Variants in ROBO2 observed in about 807,000 individuals in gnomAD.
ROBO2 encodes roundabout homolog 2.
Under a neutral mutation model 160.8 loss-of-function variants are expected in ROBO2, and 53 were observed. The observed-to-expected ratio is 0.33, with a 90% CI of 0.26 to 0.41. The LOEUF (loss-of-function observed/expected upper bound fraction) is 0.41. ROBO2 is among the 10% of genes least tolerant of loss of function. ROBO2 has a pLI of 1.00. For missense variants in ROBO2, 1,577 were observed against 1,722.4 expected (o/e 0.92, Z 1.49); for synonymous variants, 664 against 611.7 (o/e 1.09, Z -1.26).
intron 2 of ROBO2, among the ~76,000 whole-genome samples, chr3:75,961,534 T>C (rs768622539): frequency 6.6e-6 from 1 of 151,700 alleles, no homozygotes; most frequent in Non-Finnish European, 1.5e-5. Context: ...AATAGCTCAC[T>C]CAATTTTAAT....
chr3:77,238,302 C>T (rs2088403772), intron 2 of ROBO2, among the ~76,000 whole-genome samples: 1 of 152,090 alleles, frequency 6.6e-6, no homozygotes, highest in Non-Finnish European at 1.5e-5. Flanking sequence ...AAGTCATTGA[C>T]AAATCCAAAT....
At chr3:76,472,104 CGT>C (rs770855970) in intron 2 of ROBO2, among the ~76,000 whole-genome samples, 22 of 138,252 alleles carry the variant, frequency 1.6e-4, no homozygotes, top group African/African-American at 5.7e-4. Context: ...TGTGTGTGCG[CGT>C]GTGCGTGCGC....
intron 2 of ROBO2, among the ~76,000 whole-genome samples, chr3:76,725,034 C>A (rs986966552): frequency 6.6e-6 from 1 of 152,150 alleles, no homozygotes; most frequent in Non-Finnish European, 1.5e-5. Flanking sequence ...CATATCCCTG[C>A]TGACAACTTG....
intron 2 of ROBO2, among the ~76,000 whole-genome samples, chr3:76,367,271 C>G (rs966095075): frequency 6.6e-6 from 1 of 152,042 alleles, no homozygotes; most frequent in South Asian, 2.1e-4. Context: ...CATTTGTCCC[C>G]CTCTCTATTG....
chr3:76,434,088 C>T, intron 2 of ROBO2: 1 of 1,287,124 alleles, frequency 7.8e-7, no homozygotes, highest in Non-Finnish European at 1.1e-6. Flanking sequence ...GTATCCCATA[C>T]CTCTGACATG....
At chr3:76,235,440 G>T (rs533134500) in intron 2 of ROBO2, among the ~76,000 whole-genome samples, 3 of 152,146 alleles carry the variant, frequency 2.0e-5, no homozygotes, top group Non-Finnish European at 4.4e-5. Context: ...GAGGGAGTGT[G>T]GTCCTGCTGA....
intron 2 of ROBO2, among the ~76,000 whole-genome samples, chr3:76,893,330 GCACTA>G (rs1559663323): frequency 7.5e-6 from 1 of 132,828 alleles, no homozygotes; most frequent in Non-Finnish European, 1.7e-5. Context: ...ACACACACAC[GCACTA>G]CACTGTAAGA....
chr3:76,978,312 A>T (rs1269109048), intron 2 of ROBO2, among the ~76,000 whole-genome samples: 9 of 152,214 alleles, frequency 5.9e-5, no homozygotes, highest in Non-Finnish European at 1.0e-4. Context: ...CATCGATCTT[A>T]TAGCCTCACA....
At chr3:76,076,751 TC>T (rs2068656799) in intron 2 of ROBO2, among the ~76,000 whole-genome samples, 1 of 152,178 alleles carries the variant, frequency 6.6e-6, no homozygotes, top group African/African-American at 2.4e-5. Flanking sequence ...AGAAGTGCTG[TC>T]TTCCAAAAGA....
At chr3:77,504,120 T>C (rs535177155) in intron 5 of ROBO2, among the ~76,000 whole-genome samples, 70 of 152,150 alleles carry the variant, frequency 4.6e-4, no homozygotes, top group Non-Finnish European at 7.3e-4. Context: ...GCCGAGAAAT[T>C]AGAAGTCCCT....
intron 1 of ROBO2, among the ~76,000 whole-genome samples, chr3:77,069,857 A>G (rs1026063398): frequency 6.6e-6 from 1 of 152,082 alleles, no homozygotes; most frequent in African/African-American, 2.4e-5. Context: ...AAGAGCGCTG[A>G]TATGTGTTGA....
intron 4 of ROBO2, among the ~76,000 whole-genome samples, chr3:77,482,274 G>C (rs2084797597): frequency 6.6e-6 from 1 of 152,032 alleles, no homozygotes; most frequent in Non-Finnish European, 1.5e-5. Context: ...CCCTATTTCT[G>C]GTCATTTCTT....
chr3:76,681,172 T>A (rs2092552686), intron 2 of ROBO2, among the ~76,000 whole-genome samples: 1 of 152,176 alleles, frequency 6.6e-6, no homozygotes, highest in East Asian at 1.9e-4. Context: ...AATCAAACTT[T>A]AATAAGAGGT....
intron 1 of ROBO2, among the ~76,000 whole-genome samples, chr3:75,929,038 A>C (rs1947412530): frequency 7.0e-6 from 1 of 142,886 alleles, no homozygotes; most frequent in African/African-American, 2.7e-5. Context: ...TGTACTTTCA[A>C]TGTACCTTCA....
At chr3:76,763,155 C>A (rs1311333820) in intron 2 of ROBO2, among the ~76,000 whole-genome samples, 3 of 145,040 alleles carry the variant, frequency 2.1e-5, no homozygotes, top group Non-Finnish European at 4.5e-5. Context: ...CGTGAACATT[C>A]TTAACATCAA....
chr3:77,160,761 G>A (rs2078416089), intron 2 of ROBO2, among the ~76,000 whole-genome samples: 1 of 152,110 alleles, frequency 6.6e-6, no homozygotes, highest in East Asian at 1.9e-4. Context: ...TTCTGAGCAT[G>A]TAATTACTGC....
At chr3:77,417,289 A>G (rs899405229) in intron 2 of ROBO2, among the ~76,000 whole-genome samples, 1 of 151,332 alleles carries the variant, frequency 6.6e-6, no homozygotes, top group Non-Finnish European at 1.5e-5. Context: ...TGGGCCAGAC[A>G]TACTTTACTT....
chr3:77,291,880 G>T (rs1163093245), intron 2 of ROBO2, among the ~76,000 whole-genome samples: 1 of 151,884 alleles, frequency 6.6e-6, no homozygotes, highest in Non-Finnish European at 1.5e-5. Context: ...AAGTAAAATT[G>T]ATGGATAAAC....
At chr3:77,310,613 A>T (rs72897205) in intron 2 of ROBO2, among the ~76,000 whole-genome samples, 6,135 of 152,172 alleles carry the variant, frequency 0.04, 418 homozygotes, top group African/African-American at 0.14. Context: ...AAAATTGTGC[A>T]TTTCTTCCCA....
Sources: gnomAD v4.1 joint callset for allele counts (sites outside exome capture counted in the v4.1 genomes callset) on GRCh38, gnomAD v4.1.1 for gene constraint, MANE v1.5 for transcripts, NCBI Gene and HGNC (gene_info 2026-07-23, HGNC 2026-07-21) for gene names.